ZNF704: variants seen among roughly 807,000 people sequenced by gnomAD.
ZNF704 encodes the protein zinc finger protein 704.
A neutral mutation model predicts 44.7 loss-of-function variants in ZNF704; 10 were observed. The observed-to-expected ratio is 0.22, with a 90% CI of 0.14 to 0.38. ZNF704 has a LOEUF of 0.38. Ranked by LOEUF, ZNF704 falls within the 10% of genes least tolerant of loss-of-function variation. The probability of loss-of-function intolerance (pLI) is 1.00; values close to 1 mark genes in which losing one functional copy is unlikely to be tolerated. For missense variants in ZNF704, 390 were observed against 545.5 expected, an observed-to-expected ratio of 0.71 and a Z score of 2.84; for synonymous variants, 211 against 207.6, an observed-to-expected ratio of 1.02 and a Z score of -0.14.
chr8:80,847,176 AATAAAATAAAATAAAAT>A (rs1406796687), intron 1 of ZNF704, among the ~76,000 whole-genome samples: 3 of 152,066 alleles, frequency 2.0e-5, no homozygotes, highest in Non-Finnish European at 2.9e-5. Context: ...CCATCTTAAA[AATAAAATAAAATAAAAT>A]ATAAAATAAA....
chr8:80,849,987 GCTTT>G (rs1460437142), intron 1 of ZNF704, among the ~76,000 whole-genome samples: 7 of 152,024 alleles, frequency 4.6e-5, no homozygotes, highest in Non-Finnish European at 1.0e-4. Context: ...GTTTTGTTAT[GCTTT>G]CTATCAGTTT....
At chr8:80,649,381 G>A (rs1212409593) in intron 7 of ZNF704, among the ~76,000 whole-genome samples, 1 of 152,224 alleles carries the variant, frequency 6.6e-6, no homozygotes, top group Non-Finnish European at 1.5e-5. Context: ...CCTCACCCGG[G>A]AAGCGCAAGG....
Position 80,821,436 on chromosome 8 carries a change from G to C in ZNF704, c.159C>G (p.Ser53=). 1.2e-6 allele frequency: 2 copies of C among 1,614,114 alleles called. No individual in the cohort carries two copies. Among genetic ancestry groups the C allele is most frequent in the Non-Finnish European group, 1.7e-6 (2 of 1,180,000 alleles). ...TTCTTTTTTGCTCAAGGAGACAGATGGAGCGAGTGTTTTCTTTTTCATGGT... is the reference window on the plus strand; with the variant it reads ...TTCTTTTTTGCTCAAGGAGACAGATCGAGCGAGTGTTTTCTTTTTCATGGT... ...ILDHEKENTR[S]ICLLEQKRKV... Residue 53 remains serine, a synonymous_variant, in exon 2 of 9, where the codon TCC becomes TCG. Coordinates refer to ENST00000327835, the MANE Select transcript of ZNF704 (RefSeq NM_001033723.3).
intron 2 of ZNF704, among the ~76,000 whole-genome samples, chr8:80,790,373 A>AG (rs1807683470): frequency 6.6e-6 from 1 of 152,162 alleles, no homozygotes; most frequent in Admixed American, 6.5e-5. Context: ...ATGAGTGTTC[A>AG]GGAAGGGAAA....
intron 5 of ZNF704, among the ~76,000 whole-genome samples, chr8:80,665,825 T>A (rs1276312563): frequency 2.6e-5 from 4 of 151,044 alleles, no homozygotes; most frequent in African/African-American, 9.7e-5. Flanking sequence ...TATTTTATTT[T>A]ATTTTATTTT....
At chr8:80,707,888 T>A (rs988819711) in intron 2 of ZNF704, among the ~76,000 whole-genome samples, 15 of 152,248 alleles carry the variant, frequency 9.9e-5, no homozygotes, top group Non-Finnish European at 1.9e-4. Context: ...TACGCAGAAT[T>A]CCTTGCTCCA....
At chr8:80,846,691 T>C (rs1192042053) in intron 1 of ZNF704, among the ~76,000 whole-genome samples, 1 of 152,180 alleles carries the variant, frequency 6.6e-6, no homozygotes, top group Non-Finnish European at 1.5e-5. Context: ...AAAATTTAAC[T>C]CAATTTTTAC....
intron 2 of ZNF704, among the ~76,000 whole-genome samples, chr8:80,791,946 G>C (rs1452211439): frequency 6.6e-6 from 1 of 152,178 alleles, no homozygotes; most frequent in Admixed American, 6.6e-5. Flanking sequence ...GCTCACAATG[G>C]GTGCCTGACT....
intron 8 of ZNF704, among the ~76,000 whole-genome samples, chr8:80,642,338 A>G (rs1817756454): frequency 6.6e-6 from 1 of 152,192 alleles, no homozygotes; most frequent in Non-Finnish European, 1.5e-5. Context: ...TCTTTAGCAT[A>G]TCTGAATTCT....
At chr8:80,672,958 C>T (rs1818306296) in intron 4 of ZNF704, among the ~76,000 whole-genome samples, 1 of 152,000 alleles carries the variant, frequency 6.6e-6, no homozygotes. Flanking sequence ...CGGCAATATG[C>T]ATACTCTCTA....
intron 1 of ZNF704, among the ~76,000 whole-genome samples, chr8:80,836,202 A>G (rs1808555662): frequency 1.3e-5 from 2 of 151,996 alleles, no homozygotes; most frequent in African/African-American, 4.8e-5. Flanking sequence ...CCTCTATCCG[A>G]TTTGCTCCCT....
At chr8:80,753,723 TA>T (rs1353912671) in intron 2 of ZNF704, among the ~76,000 whole-genome samples, 9 of 152,190 alleles carry the variant, frequency 5.9e-5, no homozygotes, top group African/African-American at 2.2e-4. Context: ...CAGAATGTTT[TA>T]AAAATGTTTA....
intron 2 of ZNF704, among the ~76,000 whole-genome samples, chr8:80,752,278 A>T (rs1158884581): frequency 1.3e-5 from 2 of 152,040 alleles, no homozygotes; most frequent in African/African-American, 4.8e-5. Flanking sequence ...CAAAACTGTC[A>T]CTTTATATGC....
intron 2 of ZNF704, among the ~76,000 whole-genome samples, chr8:80,799,639 C>G (rs1467305031): frequency 6.6e-6 from 1 of 151,972 alleles, no homozygotes; most frequent in Non-Finnish European, 1.5e-5. Context: ...AAAAAAGACC[C>G]CACAAAAACC....
At chr8:80,748,781 A>T (rs1806891097) in intron 2 of ZNF704, among the ~76,000 whole-genome samples, 2 of 152,200 alleles carry the variant, frequency 1.3e-5, no homozygotes, top group African/African-American at 4.8e-5. Context: ...GAAGTTAAAA[A>T]ACGAGGAAGG....
At chr8:80,728,283 C>T (rs914288207) in intron 2 of ZNF704, among the ~76,000 whole-genome samples, 2 of 152,090 alleles carry the variant, frequency 1.3e-5, no homozygotes, top group Non-Finnish European at 2.9e-5. Context: ...AGCTGTGGGC[C>T]CAAAGCCTGC....
chr8:80,845,271 A>G (rs977376112), intron 1 of ZNF704, among the ~76,000 whole-genome samples: 3 of 152,194 alleles, frequency 2.0e-5, no homozygotes, highest in Non-Finnish European at 4.4e-5. Flanking sequence ...GCCAATGCCA[A>G]ATCCAATACA....
At chr8:80,869,855 G>T (rs1459082150) in intron 1 of ZNF704, among the ~76,000 whole-genome samples, 2 of 152,206 alleles carry the variant, frequency 1.3e-5, no homozygotes, top group Non-Finnish European at 2.9e-5. Flanking sequence ...GCTTGATGAA[G>T]TAAGAGGCCA....
At chr8:80,770,491 T>C (rs1460097594) in intron 2 of ZNF704, among the ~76,000 whole-genome samples, 1 of 152,224 alleles carries the variant, frequency 6.6e-6, no homozygotes, top group Non-Finnish European at 1.5e-5. Flanking sequence ...TGTGTGCTTA[T>C]TTGCTATATG....
Sources: gnomAD v4.1 joint callset for allele counts (sites outside exome capture counted in the v4.1 genomes callset) on GRCh38, gnomAD v4.1.1 for gene constraint, MANE v1.5 for transcripts, NCBI Gene and HGNC (gene_info 2026-07-23, HGNC 2026-07-21) for gene names.